Variants in BCLAF1 observed in about 807,000 individuals in gnomAD.
BCLAF1 encodes the protein BCL2 associated transcription factor 1, also known as bcl-2-associated transcription factor 1.
A neutral mutation model predicts 99.5 loss-of-function variants in BCLAF1; 10 were observed. The ratio of observed to expected loss-of-function variants is 0.10; its 90% CI spans 0.06 to 0.17. BCLAF1 has a LOEUF of 0.17. Among genes scored for constraint, BCLAF1 ranks in the 10% least tolerant of loss-of-function variants. The pLI is 1.00. For missense variants in BCLAF1, 636 were observed against 1,105.8 expected (o/e 0.58, Z 6.02); for synonymous variants, 255 against 370.9 (o/e 0.69, Z 3.59).
intron 1 of BCLAF1, among the ~76,000 whole-genome samples, chr6:136,289,254 G>A (rs1020145649): frequency 1.3e-5 from 2 of 152,278 alleles, no homozygotes; most frequent in Non-Finnish European, 2.9e-5. Flanking sequence ...AGGCCACGAA[G>A]AAAGGTGGCA....
At chr6:136,288,530 G>A (rs1223724349) in intron 1 of BCLAF1, among the ~76,000 whole-genome samples, 2 of 152,208 alleles carry the variant, frequency 1.3e-5, no homozygotes, top group Non-Finnish European at 2.9e-5. Flanking sequence ...AAGAAATTTT[G>A]TTTTGCTTTG....
At chr6:136,266,523 C>T (rs1781737541) in intron 11 of BCLAF1, among the ~76,000 whole-genome samples, 1 of 152,056 alleles carries the variant, frequency 6.6e-6, no homozygotes, top group Admixed American at 6.6e-5. Flanking sequence ...ACAGGAAGCA[C>T]CAAATTAGTG....
rs1782193241 is a variant in BCLAF1, at chr6:136,269,461, T to C, written c.2195A>G (p.Glu732Gly). Reference sequence around the variant, plus strand: ...CCTGTCATCTTTGTAAGATTTGTATTCCTTGTAATCTTTTGGAGTTTTTTC... The same window carrying C: ...CCTGTCATCTTTGTAAGATTTGTATCCCTTGTAATCTTTTGGAGTTTTTTC... ...KQEKTPKDYK[E>G]YKSYKDDSKH... Residue 732 changes from glutamate (E) to glycine (G), a missense_variant, in exon 9 of 13, where the codon GAA (glutamate) becomes GGA (glycine). Around this residue, in one of 9 missense-constraint regions of BCLAF1, gnomAD observed 180 missense variants for 270.0 expected, o/e 0.67. Coordinates refer to ENST00000531224, the MANE Select transcript of BCLAF1 (RefSeq NM_014739.3). The C allele has an allele frequency of 6.2e-7, 1 of 1,608,892 alleles. No homozygotes were observed. Among genetic ancestry groups the C allele is most frequent in the Non-Finnish European group, 8.5e-7 (1 of 1,177,932 alleles).
Position 136,257,271 on chromosome 6 carries a change from A to C in BCLAF1, c.*3839T>G, listed in dbSNP as rs963068530. 6.6e-6 allele frequency: 1 copy of C among 152,226 alleles called. No homozygotes were observed. Among genetic ancestry groups the C allele is most frequent in the African/African-American group, 2.4e-5 (1 of 41,454 alleles). The allele number at this position is 152,226 out of a possible 1,614,324, so 9.4% of individuals were successfully genotyped here. The stretch of plus-strand genomic sequence containing the variant: ...TAAGACACATTATTTGAATGTTTCT[A>C]GTTGTGGTGGAATGCTATCCTAATA... On this transcript the variant is annotated 3_prime_UTR_variant, in exon 13 of 13. Coordinates refer to ENST00000531224, the MANE Select transcript of BCLAF1 (RefSeq NM_014739.3).
Position 136,268,326 on chromosome 6 carries a change from C to T in BCLAF1, c.2233G>A (p.Glu745Lys). The T allele has an allele frequency of 6.2e-7, 1 of 1,602,216 alleles. No homozygotes were observed. The highest frequency in any genetic ancestry group is 8.5e-7 in the Non-Finnish European group (1 of 1,175,912). Residue 745 changes from glutamate to lysine, a missense_variant, in exon 10 of 13, where the codon GAG becomes AAG. Coordinates refer to ENST00000531224, the MANE Select transcript of BCLAF1 (RefSeq NM_014739.3). ...SYKDDSKHKR[E>K]QDHSRSSSSS... ...GATGAAGATCGAGAATGATCTTGCT[C>T]TCTTTTATGTTTACTGCAAAATAAA...
rs372920909 is a variant in BCLAF1, at chr6:136,276,252, T to G, written c.1273A>C (p.Thr425Pro). The G allele has an allele frequency of 3.7e-6, 6 of 1,605,160 alleles. No homozygotes were observed. In the East Asian group the frequency reaches 1.1e-4, roughly 30 times the overall value. ...VLADQGKSFA[T>P]ASHRNTEEEG... Reference sequence around the variant, plus strand: ...TCCTCAGTATTCCGGTGAGATGCAGTAGCAAAACTTTTACCCTGATCTGCG... The same window carrying G: ...TCCTCAGTATTCCGGTGAGATGCAGGAGCAAAACTTTTACCCTGATCTGCG... Residue 425 changes from threonine (T) to proline (P), a missense_variant, in exon 5 of 13, where the codon ACT becomes CCT. By Grantham distance (38) the Thr-to-Pro change is conservative. This residue lies in a region of BCLAF1 where 186 missense variants were observed against 275.3 expected (regional missense o/e 0.68). Coordinates refer to ENST00000531224, the MANE Select transcript of BCLAF1 (RefSeq NM_014739.3).
At chr6:136,288,616 A>T (rs1785492596) in intron 1 of BCLAF1, among the ~76,000 whole-genome samples, 1 of 152,232 alleles carries the variant, frequency 6.6e-6, no homozygotes, top group Non-Finnish European at 1.5e-5. Context: ...CGTCAGTGTT[A>T]GCCACACTTG....
At chr6:136,282,154 A>G (rs567629822) in intron 2 of BCLAF1, among the ~76,000 whole-genome samples, 1 of 152,344 alleles carries the variant, frequency 6.6e-6, no homozygotes, top group South Asian at 2.1e-4. Flanking sequence ...AACAGTACCT[A>G]CTTCACAGAC....
chr6:136,281,335 T>A lies in BCLAF1; in HGVS notation c.-11+1249A>T, dbSNP rs553213203. On this transcript the variant is annotated intron_variant, in intron 2 of 12. Coordinates refer to ENST00000531224, the MANE Select transcript of BCLAF1 (RefSeq NM_014739.3). ...ATTAACATAAGGAGATCTGACACCT[T>A]GTAGAACACAAATTTGGTTTAGCAA... 3.1e-4 allele frequency among the ~76,000 whole-genome samples: 47 copies of A among 152,276 alleles called. 1 individual carries two copies. The highest frequency in any genetic ancestry group is 3.4e-3 in the Middle Eastern group (1 of 294).
rs1780533116 is a variant in BCLAF1 at position 136,257,577 on chromosome 6, T to C, written c.*3533A>G. On this transcript the variant is annotated 3_prime_UTR_variant, in exon 13 of 13. Coordinates refer to ENST00000531224, the MANE Select transcript of BCLAF1 (RefSeq NM_014739.3). ...GTTCATTTAAACTTCATTAGGACAGTGTACTAATTTTTAGTATCTACCCCA... is the reference window on the plus strand; with the variant it reads ...GTTCATTTAAACTTCATTAGGACAGCGTACTAATTTTTAGTATCTACCCCA... The C allele has an allele frequency of 6.6e-6, 1 of 152,182 alleles. No homozygotes were observed. The highest frequency in any genetic ancestry group is 6.5e-5 in the Admixed American group (1 of 15,290). 9.4% of individuals were successfully genotyped at this position (152,182 alleles called of 1,614,324 possible). A position where few individuals can be genotyped will look rare whatever the true frequency, so the allele number is the denominator to read the frequency against.
At chr6:136,261,544 T>C (rs1781004641) in intron 11 of BCLAF1, 67 bp from the exon 12 acceptor site, 3 of 1,461,154 alleles carry the variant, frequency 2.1e-6, no homozygotes, top group Non-Finnish European at 1.9e-6. Flanking sequence ...TCTCCAATCA[T>C]AAATCACAGT....
chr6:136,261,519 G>A (rs377128639), intron 11 of BCLAF1, 42 bp from the exon 12 acceptor site: 1 of 1,558,122 alleles, frequency 6.4e-7, no homozygotes, highest in Non-Finnish European at 8.8e-7. Context: ...AATGTTTCTT[G>A]TAAAGATGAT....
intron 11 of BCLAF1, among the ~76,000 whole-genome samples, chr6:136,263,774 C>T (rs1781349438): frequency 1.3e-5 from 2 of 152,188 alleles, no homozygotes; most frequent in Admixed American, 6.5e-5. Flanking sequence ...TACTTCAGTA[C>T]TTTCCCACTT....
chr6:136,261,102 C>A lies in BCLAF1; in HGVS notation c.*8G>T. 6.3e-7 allele frequency: 1 copy of A among 1,577,218 alleles called. No homozygotes were observed. The highest frequency in any genetic ancestry group is 1.2e-5 in the South Asian group (1 of 84,722). ...GTTCTGCTCTGTTGTAATCTTACTT[C>A]ATATTTATTATTCCTAAAAGAGAGA... On this transcript the variant is annotated 3_prime_UTR_variant, in exon 13 of 13. Coordinates refer to ENST00000531224, the MANE Select transcript of BCLAF1 (RefSeq NM_014739.3).
intron 8 of BCLAF1, among the ~76,000 whole-genome samples, chr6:136,270,976 C>CA (rs796362845): frequency 2.6e-5 from 4 of 151,012 alleles, no homozygotes; most frequent in Admixed American, 6.6e-5. Context: ...AAAACAAAAA[C>CA]AAAAAAAATA....
At position 136,267,111 on chromosome 6, in the gene BCLAF1, T is replaced by A; in HGVS notation, c.2462A>T (p.Asn821Ile). The change falls in exon 11 of 13, where the codon AAC becomes ATC. Residue 821 changes from asparagine to isoleucine, a missense_variant. Physicochemically the swap from Asn to Ile is moderately radical, Grantham distance 149 (BLOSUM62 -3). Coordinates refer to ENST00000531224, the MANE Select transcript of BCLAF1 (RefSeq NM_014739.3). The stretch of plus-strand genomic sequence containing the variant: ...TCTCTTTTGAAAAGTAGTATTTGAG[T>A]TGTTTGGACCAGTATTTGTCCCAGC... ...VFAGTNTGPN[N>I]SNTTFQKRPK... 3 of 1,613,246 alleles carry A rather than the reference T, an allele frequency of 1.9e-6. No individual in the cohort carries two copies. Among genetic ancestry groups the A allele is most frequent in the Non-Finnish European group, 8.5e-7 (1 of 1,179,424 alleles).
chr6:136,257,332 A>C lies in BCLAF1; in HGVS notation c.*3778T>G, dbSNP rs1056615640. 4 of 152,204 alleles carry C rather than the reference A, an allele frequency of 2.6e-5. No homozygotes were observed. Among genetic ancestry groups the C allele is most frequent in the African/African-American group, 9.6e-5 (4 of 41,452 alleles). The allele number at this position is 152,204 out of a possible 1,614,324, so 9.4% of individuals were successfully genotyped here. A position where few individuals can be genotyped will look rare whatever the true frequency, so the allele number is the denominator to read the frequency against. On this transcript the variant is annotated 3_prime_UTR_variant, in exon 13 of 13. Coordinates refer to ENST00000531224, the MANE Select transcript of BCLAF1 (RefSeq NM_014739.3). Reference sequence around the variant, plus strand: ...TCTTTAATCAGTGAGATTCATTTTTAAAGGCCAAGGTATAGTCTAGTAACA... The same window carrying C: ...TCTTTAATCAGTGAGATTCATTTTTCAAGGCCAAGGTATAGTCTAGTAACA...
In BCLAF1 at chr6:136,256,765, C is replaced by T. The variant is rs1780505760; in HGVS notation, c.*4345G>A. 6.5e-6 allele frequency: 1 copy of T among 153,030 alleles called. No individual in the cohort carries two copies. The highest frequency in any genetic ancestry group is 2.1e-4 in the South Asian group (1 of 4,846). 9.5% of individuals were successfully genotyped at this position (153,030 alleles called of 1,614,324 possible). Reference sequence around the variant, plus strand: ...GGCCACCTTACAAGTATCCTGAGAACTCAACAGAAAGTTTAGTTTTCCCTT... The same window carrying T: ...GGCCACCTTACAAGTATCCTGAGAATTCAACAGAAAGTTTAGTTTTCCCTT... On this transcript the variant is annotated 3_prime_UTR_variant, in exon 13 of 13. Coordinates refer to ENST00000531224, the MANE Select transcript of BCLAF1 (RefSeq NM_014739.3).
At chr6:136,284,128 G>GTATATATATATATATATATATATATATA (rs1242722909) in intron 1 of BCLAF1, among the ~76,000 whole-genome samples, 1 of 81,350 alleles carries the variant, frequency 1.2e-5, no homozygotes, top group African/African-American at 4.5e-5. Context: ...GTGTGTGTGT[G>GTATATATATATATATATATATATATATA]TGTATATATA....
Sources: allele counts gnomAD v4.1 joint callset (sites outside exome capture counted in the v4.1 genomes callset), GRCh38; gene constraint gnomAD v4.1.1; regional missense constraint gnomAD v4.1.1; transcripts MANE v1.5; gene names NCBI Gene and HGNC (gene_info 2026-07-23, HGNC 2026-07-21).